Variants in MATN2 observed in about 807,000 individuals in gnomAD.
MATN2 encodes the protein matrilin 2.
A neutral mutation model predicts 103.2 loss-of-function variants in MATN2; 69 were observed. The ratio of observed to expected loss-of-function variants is 0.67; its 90% CI spans 0.55 to 0.82. The LOEUF (loss-of-function observed/expected upper bound fraction) is 0.82. MATN2 is among the 40% of genes least tolerant of loss of function. The probability of loss-of-function intolerance (pLI) is 0.00; values close to 1 mark genes in which losing one functional copy is unlikely to be tolerated. For synonymous variants in MATN2, 429 were observed against 450.2 expected (o/e 0.95, Z 0.60); for missense variants, 1,023 against 1,211.5 (o/e 0.84, Z 2.31).
At chr8:98,022,665 C>G (rs936368434) in intron 13 of MATN2, among the ~76,000 whole-genome samples, 2 of 145,572 alleles carry the variant, frequency 1.4e-5, no homozygotes, top group African/African-American at 2.5e-5. Context: ...GAAGCTACAG[C>G]TTAGCACGAG....
At chr8:97,916,623 C>T (rs1012074161) in intron 2 of MATN2, among the ~76,000 whole-genome samples, 1 of 152,168 alleles carries the variant, frequency 6.6e-6, no homozygotes, top group Non-Finnish European at 1.5e-5. Flanking sequence ...ATAAAAACCA[C>T]TGTTTCACAG....
chr8:97,941,191 A>G (rs1243144335), intron 3 of MATN2, among the ~76,000 whole-genome samples: 1 of 147,070 alleles, frequency 6.8e-6, no homozygotes, highest in Non-Finnish European at 1.5e-5. Flanking sequence ...AAAAAGAAAG[A>G]AAGAAAGAAA....
chr8:97,931,212 C>G lies in MATN2; in HGVS notation c.402C>G (p.Thr134=), dbSNP rs781471020. 4 of 1,613,358 alleles carry G rather than the reference C, an allele frequency of 2.5e-6. No homozygotes were observed. The highest frequency in any genetic ancestry group is 3.3e-5 in the Admixed American group (2 of 59,980). The change falls in exon 3 of 19, where the codon ACC becomes ACG. Residue 134 remains threonine (T), a synonymous_variant. Transcript: ENST00000254898. This position sits in a 1 kb window ranked among gnomAD's most constrained non-coding sequence, Gnocchi z 4.1. ...VKRMRHLSTG[T]MTGLAIQYAL... The stretch of plus-strand genomic sequence containing the variant: ...GGATGCGGCATCTGTCCACGGGCAC[C>G]ATGACTGGGCTGGCCATCCAGTATG...
chr8:97,890,152 G>GA (rs1349635089), intron 2 of MATN2, among the ~76,000 whole-genome samples: 3 of 152,152 alleles, frequency 2.0e-5, no homozygotes, highest in Non-Finnish European at 4.4e-5. Flanking sequence ...AGATATGCTG[G>GA]AGGGCTGCTT....
intron 3 of MATN2, among the ~76,000 whole-genome samples, chr8:97,941,077 G>A (rs1810538796): frequency 6.8e-6 from 1 of 146,922 alleles, no homozygotes; most frequent in Non-Finnish European, 1.5e-5. Flanking sequence ...TGGGAGGATG[G>A]CTTTAGCCCA....
chr8:97,877,370 T>C (rs901753056), intron 1 of MATN2, among the ~76,000 whole-genome samples: 1 of 151,542 alleles, frequency 6.6e-6, no homozygotes, highest in Non-Finnish European at 1.5e-5. Context: ...CCAGCTACTC[T>C]GGAGGCTGAG....
chr8:97,941,019 G>A (rs899387523), intron 3 of MATN2, among the ~76,000 whole-genome samples: 3 of 151,594 alleles, frequency 2.0e-5, no homozygotes, highest in Non-Finnish European at 2.9e-5. Context: ...AAAATTAGCC[G>A]GGCATGGTGG....
chr8:98,007,180 A>C lies in MATN2; in HGVS notation c.1403A>C (p.Gln468Pro). 2.5e-6 allele frequency: 4 copies of C among 1,613,922 alleles called. No individual in the cohort carries two copies. Among genetic ancestry groups the C allele is most frequent in the Non-Finnish European group, 3.4e-6 (4 of 1,179,870 alleles). Reference sequence around the variant, plus strand: ...AACACGGAGGATTCCTTCGTCTGCCAGTGCTCAGAAGGCTTCCTCATCAAC... The same window carrying C: ...AACACGGAGGATTCCTTCGTCTGCCCGTGCTCAGAAGGCTTCCTCATCAAC... ...CLNTEDSFVC[Q>P]CSEGFLINED... is the part of the protein sequence containing the mutation. The change falls in exon 9 of 19, where the codon CAG becomes CCG. Residue 468 changes from glutamine (Q) to proline (P), a missense_variant. Coordinates refer to ENST00000254898, the MANE Select transcript of MATN2 (RefSeq NM_002380.5). The surrounding 1 kb of genome is among the most constrained non-coding windows in gnomAD (Gnocchi z 4.2).
chr8:97,983,944 C>T (rs553715764), intron 6 of MATN2, among the ~76,000 whole-genome samples: 3 of 152,232 alleles, frequency 2.0e-5, no homozygotes, highest in Admixed American at 6.5e-5. Flanking sequence ...GCCACCATTC[C>T]GGAAATAATT....
intron 7 of MATN2, among the ~76,000 whole-genome samples, chr8:97,997,192 C>A (rs998709632): frequency 6.6e-6 from 1 of 152,188 alleles, no homozygotes; most frequent in African/African-American, 2.4e-5. Flanking sequence ...CTCCAGGATC[C>A]CTGATTCTGG....
At chr8:97,914,837 C>T (rs1041987647) in intron 2 of MATN2, among the ~76,000 whole-genome samples, 3 of 152,184 alleles carry the variant, frequency 2.0e-5, no homozygotes, top group African/African-American at 7.2e-5. Context: ...ATGCACACCC[C>T]AGCTTGTTGC....
chr8:97,899,041 C>T (rs1221216390), intron 2 of MATN2, among the ~76,000 whole-genome samples: 3 of 152,110 alleles, frequency 2.0e-5, no homozygotes, highest in Non-Finnish European at 4.4e-5. Context: ...CAGGCATAAA[C>T]CACCACACCC....
At chr8:97,991,020 C>CA (rs1812371659) in intron 6 of MATN2, among the ~76,000 whole-genome samples, 1 of 151,886 alleles carries the variant, frequency 6.6e-6, no homozygotes, top group East Asian at 1.9e-4. Flanking sequence ...AATTATACCT[C>CA]AAAAAAACTA....
In MATN2 at chr8:97,961,390, A is replaced by G. The variant is rs749393462; in HGVS notation, c.836-18A>G. 2 of 1,605,642 alleles carry G rather than the reference A, an allele frequency of 1.2e-6. No homozygotes were observed. Among genetic ancestry groups the G allele is most frequent in the Admixed American group, 3.4e-5 (2 of 59,330 alleles). ...GGTGTGCCTGACGTTGTGTTCTAAC[A>G]TCGTGACTTTGCCTCAGTCCAGGAT... On this transcript the variant is annotated intron_variant, in intron 4 of 18. Transcript: ENST00000254898.
intron 5 of MATN2, among the ~76,000 whole-genome samples, chr8:97,966,430 A>C (rs1040773414): frequency 1.3e-5 from 2 of 150,746 alleles, no homozygotes; most frequent in African/African-American, 4.9e-5. Context: ...GGTGGTGCAC[A>C]CCTGAAGTCC....
Position 97,982,426 on chromosome 8 carries a change from A to AT in MATN2, c.1081+3427dup, listed in dbSNP as rs202200904. Among the ~76,000 whole-genome samples the AT allele has an allele frequency of 1.7e-4, 26 of 152,220 alleles. No homozygotes were observed. The highest frequency in any genetic ancestry group is 3.6e-4 in the African/African-American group (15 of 41,554). On this transcript the variant is annotated intron_variant, in intron 6 of 18. Coordinates refer to ENST00000254898, the MANE Select transcript of MATN2 (RefSeq NM_002380.5). This position sits in a 1 kb window ranked among gnomAD's most constrained non-coding sequence, Gnocchi z 4.3. ...CTGGTTACTGCTGTGATGTTGAAAG[A>AT]TTTTTTTTTAAAATTCTACTTCTTA... is the stretch of plus-strand genomic sequence containing the variant.
intron 6 of MATN2, among the ~76,000 whole-genome samples, chr8:97,992,767 A>AAAAAAAAAAAAAAAC (rs1812438477): frequency 6.7e-6 from 1 of 149,024 alleles, no homozygotes; most frequent in Non-Finnish European, 1.5e-5. Context: ...AAAAAAAAAA[A>AAAAAAAAAAAAAAAC]AAATTACTCA....
intron 4 of MATN2, chr8:97,950,628 A>G (rs910315540): frequency 6.6e-6 from 1 of 152,192 alleles, no homozygotes. Context: ...GGAATCAGAG[A>G]ACAATTCTAA....
chr8:97,961,661 T>C, intron 5 of MATN2, 131 bp downstream of exon 5: 1 of 1,079,182 alleles, frequency 9.3e-7, no homozygotes, highest in East Asian at 3.0e-5. Flanking sequence ...CTCAGTTGTT[T>C]GGTGTAGTTG....
Sources: gnomAD v4.1 joint callset for allele counts (sites outside exome capture counted in the v4.1 genomes callset) on GRCh38, gnomAD v4.1.1 for gene constraint, Gnocchi (gnomAD v3.1) non-coding constraint, MANE v1.5 for transcripts, NCBI Gene and HGNC (gene_info 2026-07-23, HGNC 2026-07-21) for gene names.